PTPRN2: variants seen among roughly 807,000 people sequenced by gnomAD.
The protein encoded by PTPRN2 is protein tyrosine phosphatase receptor type N2, also known as receptor-type tyrosine-protein phosphatase N2.
PTPRN2 carries 74 observed loss-of-function variants against 118.8 expected under a neutral mutation model. The ratio of observed to expected loss-of-function variants is 0.62; its 90% CI spans 0.52 to 0.76. The LOEUF is 0.76. Among genes scored for constraint, PTPRN2 ranks in the 30% least tolerant of loss-of-function variants. The pLI is 0.00. For missense variants in PTPRN2, 1,481 were observed against 1,394.4 expected, an observed-to-expected ratio of 1.06 and a Z score of -0.99; for synonymous variants, 641 against 608.0, an observed-to-expected ratio of 1.05 and a Z score of -0.80.
chr7:158,135,204 C>G (rs919477994), intron 8 of PTPRN2, among the ~76,000 whole-genome samples: 1 of 152,254 alleles, frequency 6.6e-6, no homozygotes, highest in South Asian at 2.1e-4. Context: ...ACTCACTTTG[C>G]CAAAACACAC....
chr7:157,853,205 T>A (rs781633802), intron 12 of PTPRN2, among the ~76,000 whole-genome samples: 4 of 151,456 alleles, frequency 2.6e-5, no homozygotes, highest in Non-Finnish European at 4.4e-5. Flanking sequence ...TTCCGAGGAG[T>A]CATGTAGTCA....
chr7:157,924,040 G>A (rs1183313011), intron 11 of PTPRN2, among the ~76,000 whole-genome samples: 10 of 152,134 alleles, frequency 6.6e-5, no homozygotes, highest in Non-Finnish European at 2.9e-5. Flanking sequence ...CATAGCAGAC[G>A]GCAGGGATGG....
intron 10 of PTPRN2, among the ~76,000 whole-genome samples, chr7:158,102,917 C>T (rs1252216980): frequency 6.6e-6 from 1 of 152,198 alleles, no homozygotes; most frequent in African/African-American, 2.4e-5. Context: ...ACCCCCAGGA[C>T]AGTACCTCAT....
At chr7:158,247,176 C>T (rs7796043) in intron 3 of PTPRN2, among the ~76,000 whole-genome samples, 120,322 of 152,138 alleles carry the variant, frequency 0.79, 47,841 homozygotes, top group African/African-American at 0.85. Flanking sequence ...CTACACAGAG[C>T]GTGGCCCGTG....
chr7:158,409,520 T>A (rs973961901), intron 2 of PTPRN2, among the ~76,000 whole-genome samples: 2 of 152,210 alleles, frequency 1.3e-5, no homozygotes, highest in African/African-American at 4.8e-5. Flanking sequence ...AGGGCTGCCT[T>A]CTGAAGCTGG....
chr7:158,193,642 T>A (rs1166820714), intron 4 of PTPRN2, among the ~76,000 whole-genome samples: 3 of 151,998 alleles, frequency 2.0e-5, no homozygotes, highest in Admixed American at 1.3e-4. Context: ...ACGATGGGCA[T>A]GGCCTCCCTA....
chr7:157,882,437 C>A (rs1022205361), intron 12 of PTPRN2, among the ~76,000 whole-genome samples: 4 of 151,960 alleles, frequency 2.6e-5, no homozygotes, highest in Non-Finnish European at 5.9e-5. Flanking sequence ...ACACATCACC[C>A]CAAAAATGAC....
chr7:158,108,101 G>A (rs941338707), intron 10 of PTPRN2, among the ~76,000 whole-genome samples: 2 of 151,824 alleles, frequency 1.3e-5, no homozygotes, highest in African/African-American at 4.8e-5. Flanking sequence ...ACTCTTACCT[G>A]GATCTCTGCA....
intron 1 of PTPRN2, among the ~76,000 whole-genome samples, chr7:158,501,589 C>G (rs995826230): frequency 2.0e-5 from 3 of 152,170 alleles, no homozygotes; most frequent in African/African-American, 7.2e-5. Flanking sequence ...TCAGCAGTCG[C>G]AGGGGGGGAC....
At chr7:158,452,190 C>T (rs564863858) in intron 2 of PTPRN2, among the ~76,000 whole-genome samples, 93 of 132,444 alleles carry the variant, frequency 7.0e-4, no homozygotes, top group African/African-American at 1.9e-3. Flanking sequence ...CAAGACTCAA[C>T]GCCCCACACA....
chr7:157,681,799 AATG>A (rs1796927425), intron 13 of PTPRN2, among the ~76,000 whole-genome samples: 2 of 152,336 alleles, frequency 1.3e-5, no homozygotes, highest in African/African-American at 4.8e-5. Flanking sequence ...CGACTGTAAA[AATG>A]ATGAATTATT....
At chr7:158,536,430 G>T (rs1825647887) in intron 1 of PTPRN2, among the ~76,000 whole-genome samples, 1 of 152,048 alleles carries the variant, frequency 6.6e-6, no homozygotes, top group Admixed American at 6.5e-5. Context: ...ACCCAGATGG[G>T]ACTCAGGAAG....
intron 2 of PTPRN2, among the ~76,000 whole-genome samples, chr7:158,477,500 T>C (rs768061888): frequency 2.7e-4 from 41 of 152,228 alleles, no homozygotes; most frequent in Non-Finnish European, 5.0e-4. Context: ...CATTTTTTAA[T>C]TGATTTTAAT....
chr7:158,491,831 C>T (rs748175785), intron 1 of PTPRN2, among the ~76,000 whole-genome samples: 10 of 152,194 alleles, frequency 6.6e-5, no homozygotes, highest in Non-Finnish European at 1.2e-4. Flanking sequence ...CAGCTAACCC[C>T]ACATTCAGTC....
chr7:157,915,443 C>CA (rs1563235280), intron 11 of PTPRN2, among the ~76,000 whole-genome samples: 1 of 149,718 alleles, frequency 6.7e-6, no homozygotes, highest in Non-Finnish European at 1.5e-5. Context: ...GCCACCCCCC[C>CA]ACCCCCGCCT....
intron 11 of PTPRN2, among the ~76,000 whole-genome samples, chr7:157,991,864 C>A (rs772866636): frequency 6.6e-6 from 1 of 152,164 alleles, no homozygotes; most frequent in Non-Finnish European, 1.5e-5. Context: ...AAGCGCTGAG[C>A]AGGAGTGAGA....
chr7:157,663,225 C>T (rs989283278), intron 13 of PTPRN2, among the ~76,000 whole-genome samples: 2 of 152,180 alleles, frequency 1.3e-5, no homozygotes, highest in Admixed American at 1.3e-4. Context: ...GCGCACCAGG[C>T]CCGCGAGGAG....
chr7:157,679,200 A>G (rs779810151), intron 13 of PTPRN2, among the ~76,000 whole-genome samples: 4 of 152,262 alleles, frequency 2.6e-5, no homozygotes, highest in Non-Finnish European at 4.4e-5. Context: ...CATGAAGTAC[A>G]GAATTAATCC....
intron 11 of PTPRN2, among the ~76,000 whole-genome samples, chr7:158,011,366 A>C (rs1806035864): frequency 6.6e-6 from 1 of 152,214 alleles, no homozygotes; most frequent in Non-Finnish European, 1.5e-5. Flanking sequence ...ATCCCTTATG[A>C]TTTTAACAAA....
Sources: gnomAD v4.1 joint callset for allele counts (sites outside exome capture counted in the v4.1 genomes callset) on GRCh38, gnomAD v4.1.1 for gene constraint, MANE v1.5 for transcripts, NCBI Gene and HGNC (gene_info 2026-07-23, HGNC 2026-07-21) for gene names.